Variants in TMTC2 observed in about 807,000 individuals in gnomAD.
The protein encoded by TMTC2 is protein O-mannosyl-transferase TMTC2.
Under a neutral mutation model 82.4 loss-of-function variants are expected in TMTC2, and 43 were observed. That is an observed-to-expected ratio of 0.52 (90% CI 0.41 to 0.67). The LOEUF (loss-of-function observed/expected upper bound fraction) is 0.67, where lower values mean the gene tolerates loss of function less well. TMTC2 is among the 30% of genes least tolerant of loss of function. The pLI, the probability that TMTC2 is intolerant of heterozygous loss-of-function variation, is 0.00. For missense variants in TMTC2, 919 were observed against 1,012.4 expected (o/e 0.91, Z 1.25); for synonymous variants, 408 against 381.9 (o/e 1.07, Z -0.80).
intron 4 of TMTC2, among the ~76,000 whole-genome samples, chr12:82,949,069 T>C (rs1330554462): frequency 6.6e-6 from 1 of 152,232 alleles, no homozygotes; most frequent in Non-Finnish European, 1.5e-5. Context: ...AACAAGTCAG[T>C]CTAACTACAT....
At chr12:82,691,070 A>G (rs1039879806) in intron 1 of TMTC2, among the ~76,000 whole-genome samples, 14 of 152,180 alleles carry the variant, frequency 9.2e-5, no homozygotes, top group African/African-American at 3.4e-4. Flanking sequence ...TTCACTTAGC[A>G]CATATCTTCT....
chr12:82,861,339 C>T (rs1490326086), intron 2 of TMTC2, among the ~76,000 whole-genome samples: 1 of 152,124 alleles, frequency 6.6e-6, no homozygotes, highest in Non-Finnish European at 1.5e-5. Context: ...ATGTAGTGAT[C>T]AGACCAAAGC....
rs775495717 is a variant in TMTC2 at position 82,985,952 on chromosome 12, TC to T, written c.1980del (p.Glu661LysfsTer10). 3 of 1,613,672 alleles carry T rather than the reference TC, an allele frequency of 1.9e-6. No individual in the cohort carries two copies. Among genetic ancestry groups the T allele is most frequent in the Non-Finnish European group, 2.5e-6 (3 of 1,179,726 alleles). ...GAAGCATATATGCGTTTAAGCAAAC[TC>T]CCCGAAGCAGAGCATTGGTATATGG... ...MGEAYMRLSK[L>X]PEAEHWYMES... On this transcript the variant is annotated frameshift_variant, in exon 8 of 12. Coordinates refer to ENST00000321196, the MANE Select transcript of TMTC2 (RefSeq NM_152588.3). LOFTEE classifies it high-confidence loss of function.
intron 1 of TMTC2, among the ~76,000 whole-genome samples, chr12:82,745,345 C>T (rs1322068892): frequency 6.6e-6 from 1 of 152,160 alleles, no homozygotes; most frequent in African/African-American, 2.4e-5. Context: ...AATGCTGTAA[C>T]TCCCCTGTGT....
At chr12:83,033,948 G>A (rs886379266) in intron 9 of TMTC2, among the ~76,000 whole-genome samples, 2 of 149,598 alleles carry the variant, frequency 1.3e-5, no homozygotes, top group Admixed American at 6.7e-5. Flanking sequence ...TATTTTTGGG[G>A]GTTTGCTTTT....
intron 3 of TMTC2, among the ~76,000 whole-genome samples, chr12:82,901,939 T>C (rs1874041973): frequency 6.6e-6 from 1 of 152,172 alleles, no homozygotes. Flanking sequence ...GTTCTATTAT[T>C]TTATGACTAA....
At chr12:83,057,590 C>G (rs1882592628) in intron 10 of TMTC2, among the ~76,000 whole-genome samples, 1 of 151,750 alleles carries the variant, frequency 6.6e-6, no homozygotes, top group African/African-American at 2.4e-5. Flanking sequence ...TATAACATAT[C>G]AACTAGAATT....
chr12:82,863,160 C>T (rs1871634647), intron 2 of TMTC2, among the ~76,000 whole-genome samples: 1 of 151,090 alleles, frequency 6.6e-6, no homozygotes, highest in Non-Finnish European at 1.5e-5. Context: ...AAGTTGTGAC[C>T]CCCCCCCAAT....
chr12:82,842,738 C>T (rs1279027891), intron 1 of TMTC2, among the ~76,000 whole-genome samples: 1 of 152,148 alleles, frequency 6.6e-6, no homozygotes, highest in Non-Finnish European at 1.5e-5. Flanking sequence ...TGGCCTCACT[C>T]CTTGGCTTGC....
intron 1 of TMTC2, among the ~76,000 whole-genome samples, chr12:82,843,576 G>T (rs1013832247): frequency 6.6e-6 from 1 of 152,220 alleles, no homozygotes; most frequent in African/African-American, 2.4e-5. Context: ...AAGTATGAAA[G>T]GGTAAGGATT....
chr12:82,941,147 G>A (rs531601758), intron 4 of TMTC2, among the ~76,000 whole-genome samples: 4 of 152,118 alleles, frequency 2.6e-5, no homozygotes, highest in African/African-American at 9.7e-5. Flanking sequence ...AGTGTTAGTT[G>A]CATTGTGATA....
At chr12:82,859,520 A>G (rs1259530892) in intron 2 of TMTC2, among the ~76,000 whole-genome samples, 1 of 152,242 alleles carries the variant, frequency 6.6e-6, no homozygotes, top group Non-Finnish European at 1.5e-5. Flanking sequence ...TGCCCACTGC[A>G]GTACTCCTTC....
chr12:82,876,156 A>ATTAGTAATGGTG (rs1872560887), intron 2 of TMTC2, among the ~76,000 whole-genome samples: 7 of 114,960 alleles, frequency 6.1e-5, no homozygotes, highest in African/African-American at 3.4e-4. Flanking sequence ...TGGTGGTGGT[A>ATTAGTAATGGTG]GTGGTGGTAG....
Position 83,100,895 on chromosome 12 carries a change from G to A in TMTC2, c.2332-31315G>A, listed in dbSNP as rs1884195602. ...AAGCTTCTTTCAGAAAGTAAGCATG[G>A]CACTAACAACACATCCTAAATGCTT... On this transcript the variant is annotated intron_variant, in intron 11 of 11. Transcript: ENST00000321196. Among the ~76,000 whole-genome samples the A allele has an allele frequency of 2.0e-5, 3 of 152,126 alleles. 1 individual carries two copies. The highest frequency in any genetic ancestry group is 4.1e-4 in the South Asian group (2 of 4,830).
chr12:82,724,019 T>C (rs1008329596), intron 1 of TMTC2, among the ~76,000 whole-genome samples: 2 of 152,160 alleles, frequency 1.3e-5, no homozygotes, highest in African/African-American at 2.4e-5. Context: ...GTCAGTAAAA[T>C]GGGGATACAA....
chr12:82,703,411 G>C (rs1283716813), intron 1 of TMTC2, among the ~76,000 whole-genome samples: 1 of 152,086 alleles, frequency 6.6e-6, no homozygotes, highest in Non-Finnish European at 1.5e-5. Context: ...TGATATAGAG[G>C]AGGGATGATT....
Position 83,013,224 on chromosome 12 carries a change from G to A in TMTC2, c.2071-17574G>A, listed in dbSNP as rs184019075. Among the ~76,000 whole-genome samples the A allele has an allele frequency of 2.3e-3, 357 of 152,168 alleles. 3 individuals are homozygous for A. The highest frequency in any genetic ancestry group is 8.2e-3 in the African/African-American group (341 of 41,544). On this transcript the variant is annotated intron_variant, in intron 8 of 11. Transcript: ENST00000321196. ...GTGAGGATTTTTTAATAATGATATTGTAGATATCCAAACATTTATGAAATT... is the reference window on the plus strand; with the variant it reads ...GTGAGGATTTTTTAATAATGATATTATAGATATCCAAACATTTATGAAATT...
chr12:82,801,205 G>A (rs1878977457), intron 1 of TMTC2, among the ~76,000 whole-genome samples: 1 of 152,046 alleles, frequency 6.6e-6, no homozygotes, highest in Non-Finnish European at 1.5e-5. Context: ...CAAGAATGAA[G>A]CCGCGGACCC....
intron 1 of TMTC2, among the ~76,000 whole-genome samples, chr12:82,758,144 TATC>T (rs1250412290): frequency 6.6e-6 from 1 of 152,164 alleles, no homozygotes; most frequent in African/African-American, 2.4e-5. Context: ...TTCTCCCAGA[TATC>T]ATATTTCTGT....
Sources: allele counts gnomAD v4.1 joint callset (sites outside exome capture counted in the v4.1 genomes callset), GRCh38; gene constraint gnomAD v4.1.1; transcripts MANE v1.5; gene names NCBI Gene and HGNC (gene_info 2026-07-23, HGNC 2026-07-21).